Variants in DMRT1 observed in about 807,000 individuals in gnomAD.
The protein encoded by DMRT1 is doublesex- and mab-3-related transcription factor 1.
Under a neutral mutation model 32.3 loss-of-function variants are expected in DMRT1, and 7 were observed. The observed-to-expected ratio is 0.22, with a 90% CI of 0.12 to 0.41. The LOEUF (loss-of-function observed/expected upper bound fraction) is 0.41, where lower values mean the gene tolerates loss of function less well. Among genes scored for constraint, DMRT1 ranks in the 10% least tolerant of loss-of-function variants. The pLI is 1.00. For synonymous variants in DMRT1, 278 were observed against 206.1 expected (o/e 1.35, Z -2.99); for missense variants, 625 against 500.5 (o/e 1.25, Z -2.37).
chr9:854,618 A>C (rs1815309684), intron 2 of DMRT1, among the ~76,000 whole-genome samples: 1 of 152,142 alleles, frequency 6.6e-6, no homozygotes, highest in South Asian at 2.1e-4. Context: ...TGGCCACTTA[A>C]GTGAAATGAG....
At chr9:921,343 T>C (rs1586620377) in intron 4 of DMRT1, among the ~76,000 whole-genome samples, 1 of 152,232 alleles carries the variant, frequency 6.6e-6, no homozygotes, top group East Asian at 1.9e-4. Flanking sequence ...TGGCTCAATA[T>C]CATTCCATAG....
intron 4 of DMRT1, among the ~76,000 whole-genome samples, chr9:957,762 C>A (rs935339866): frequency 2.0e-5 from 3 of 152,192 alleles, no homozygotes; most frequent in Non-Finnish European, 2.9e-5. Context: ...GTAATCCCAG[C>A]ACTTTGGGAG....
chr9:878,209 C>CA (rs1554749517), intron 2 of DMRT1, among the ~76,000 whole-genome samples: 1 of 127,104 alleles, frequency 7.9e-6, no homozygotes, highest in South Asian at 3.1e-4. Context: ...TGCCCCCCCC[C>CA]CACCCAATAA....
At chr9:850,247 G>C (rs1402265048) in intron 2 of DMRT1, among the ~76,000 whole-genome samples, 1 of 152,192 alleles carries the variant, frequency 6.6e-6, no homozygotes. Flanking sequence ...TAGGATGTGA[G>C]CAAGAGGGAA....
At chr9:891,948 G>T (rs987781904) in intron 2 of DMRT1, among the ~76,000 whole-genome samples, 4 of 152,210 alleles carry the variant, frequency 2.6e-5, no homozygotes, top group Non-Finnish European at 5.9e-5. Context: ...GGAGGACACA[G>T]TGGTGTGCCC....
chr9:962,186 T>A (rs2130001522), intron 4 of DMRT1, among the ~76,000 whole-genome samples: 1 of 152,288 alleles, frequency 6.6e-6, no homozygotes, highest in East Asian at 1.9e-4. Flanking sequence ...ACGGGACTAG[T>A]CAACTGAGTC....
chr9:884,306 A>G (rs1816842014), intron 2 of DMRT1, among the ~76,000 whole-genome samples: 1 of 151,684 alleles, frequency 6.6e-6, no homozygotes, highest in African/African-American at 2.4e-5. Flanking sequence ...AAGGGTATTT[A>G]TCATGTGCAG....
At chr9:951,206 A>T (rs772602026) in intron 4 of DMRT1, among the ~76,000 whole-genome samples, 1 of 152,154 alleles carries the variant, frequency 6.6e-6, no homozygotes, top group African/African-American at 2.4e-5. Context: ...TTATTTTAAT[A>T]TATATTTTTC....
In DMRT1 at chr9:910,561, G is replaced by GT. The variant is rs200739972; in HGVS notation, c.823-6193dup. Among the ~76,000 whole-genome samples, 42 of 149,208 alleles carry GT rather than the reference G, an allele frequency of 2.8e-4. 1 individual carries two copies. Among genetic ancestry groups the GT allele is most frequent in the South Asian group, 2.6e-3 (12 of 4,654 alleles). On this transcript the variant is annotated intron_variant, in intron 3 of 4. Transcript: ENST00000382276. ...AGAAGTGAACTCAAACATTTTTATG[G>GT]TTTTTTTTTCAGATATTATTGTTAC...
intron 3 of DMRT1, among the ~76,000 whole-genome samples, chr9:901,878 C>T (rs556425896): frequency 7.3e-5 from 11 of 150,466 alleles, no homozygotes; most frequent in African/African-American, 2.7e-4. Context: ...CTCTCACCCC[C>T]ATGGCCCACA....
chr9:915,134 T>C (rs1818128434), intron 3 of DMRT1, among the ~76,000 whole-genome samples: 1 of 152,254 alleles, frequency 6.6e-6, no homozygotes, highest in Non-Finnish European at 1.5e-5. Context: ...AACATTCCCT[T>C]AGATCGAATT....
Position 911,522 on chromosome 9 carries a change from G to A in DMRT1, c.823-5241G>A, listed in dbSNP as rs183991251. Among the ~76,000 whole-genome samples, 1,101 of 112,324 alleles carry A rather than the reference G, an allele frequency of 9.8e-3. 19 individuals are homozygous for A. Among genetic ancestry groups the A allele is most frequent in the African/African-American group, 0.034 (1,054 of 31,290 alleles). 73.7% of individuals were successfully genotyped at this position (112,324 alleles called of 152,430 possible). ...TTTTTTTTTTTTTTTAGATGGAGTC[G>A]CACTCTGTCGCCCAGGCTGGAGTGC... On this transcript the variant is annotated intron_variant, in intron 3 of 4. Coordinates refer to ENST00000382276, the MANE Select transcript of DMRT1 (RefSeq NM_021951.3).
chr9:910,108 A>G (rs1411032641), intron 3 of DMRT1, among the ~76,000 whole-genome samples: 1 of 152,164 alleles, frequency 6.6e-6, no homozygotes, highest in African/African-American at 2.4e-5. Context: ...CCTTTCTGCA[A>G]ATGAGCATTA....
At chr9:933,515 C>T (rs1340924630) in intron 4 of DMRT1, among the ~76,000 whole-genome samples, 1 of 152,154 alleles carries the variant, frequency 6.6e-6, no homozygotes, top group Non-Finnish European at 1.5e-5. Flanking sequence ...AGCAGGGTGA[C>T]CTTATCTCTC....
At chr9:888,734 CAG>C (rs993585033) in intron 2 of DMRT1, among the ~76,000 whole-genome samples, 4 of 143,400 alleles carry the variant, frequency 2.8e-5, no homozygotes, top group Non-Finnish European at 4.6e-5. Context: ...GCGATGCAGT[CAG>C]GGGCATGAAG....
chr9:863,224 G>A (rs1004488841), intron 2 of DMRT1, among the ~76,000 whole-genome samples: 1 of 151,564 alleles, frequency 6.6e-6, no homozygotes, highest in Non-Finnish European at 1.5e-5. Flanking sequence ...AGGCTGAGGT[G>A]GGAGGATTGC....
chr9:927,333 G>T (rs1451820935), intron 4 of DMRT1, among the ~76,000 whole-genome samples: 1 of 152,242 alleles, frequency 6.6e-6, no homozygotes, highest in Non-Finnish European at 1.5e-5. Flanking sequence ...CAGGTGCCGT[G>T]CCTGGGCGGT....
chr9:922,116 C>T (rs10759044), intron 4 of DMRT1, among the ~76,000 whole-genome samples: 86,469 of 151,482 alleles, frequency 0.57, 26,649 homozygotes, highest in South Asian at 0.71. Flanking sequence ...TGGGCTCAAG[C>T]GATCCTCCCA....
At chr9:870,489 G>A (rs1294121317) in intron 2 of DMRT1, among the ~76,000 whole-genome samples, 1 of 152,114 alleles carries the variant, frequency 6.6e-6, no homozygotes, top group Non-Finnish European at 1.5e-5. Flanking sequence ...TCCCGTGACA[G>A]CATCCGTCAT....
Sources: gnomAD v4.1 joint callset for allele counts (sites outside exome capture counted in the v4.1 genomes callset) on GRCh38, gnomAD v4.1.1 for gene constraint, MANE v1.5 for transcripts, NCBI Gene and HGNC (gene_info 2026-07-23, HGNC 2026-07-21) for gene names.